FAM120B: variants seen among roughly 807,000 people sequenced by gnomAD.
FAM120B encodes the protein constitutive coactivator of peroxisome proliferator-activated receptor gamma.
In FAM120B, 83 loss-of-function variants were observed where a neutral mutation model predicts 96.3. The observed-to-expected ratio is 0.86, with a 90% confidence interval of 0.72 to 1.03. The LOEUF (loss-of-function observed/expected upper bound fraction) is 1.03, where lower values mean the gene tolerates loss of function less well. FAM120B is among the 50% of genes least tolerant of loss of function. The pLI, the probability that FAM120B is intolerant of heterozygous loss-of-function variation, is 0.00. For missense variants in FAM120B, 1,027 were observed against 1,121.2 expected (o/e 0.92, Z 1.20); for synonymous variants, 407 against 402.7 (o/e 1.01, Z -0.13).
At chr6:170,369,062 A>G (rs1317666427) in intron 6 of FAM120B, among the ~76,000 whole-genome samples, 1 of 152,166 alleles carries the variant, frequency 6.6e-6, no homozygotes, top group Non-Finnish European at 1.5e-5. Flanking sequence ...TAGAAATAGA[A>G]ATCTTGAATG....
intron 3 of FAM120B, among the ~76,000 whole-genome samples, chr6:170,324,636 G>A (rs958791461): frequency 1.3e-5 from 2 of 152,002 alleles, no homozygotes; most frequent in Admixed American, 1.3e-4. Flanking sequence ...TTCATACTTT[G>A]TTAATGTAAT....
rs1019962332 is a variant in FAM120B, at chr6:170,295,687, G to C, written c.48+234G>C. Among the ~76,000 whole-genome samples the C allele has an allele frequency of 6.6e-6, 1 of 152,112 alleles. No homozygotes were observed. Among genetic ancestry groups the C allele is most frequent in the Non-Finnish European group, 1.5e-5 (1 of 67,994 alleles). On this transcript the variant is annotated intron_variant, in intron 1 of 10. Transcript: ENST00000537664. This position sits in a 1 kb window ranked among gnomAD's most constrained non-coding sequence, Gnocchi z 7.8. ...GCGAGTGACTTCCCCGGTGCGGCCG[G>C]GTCCCGGCGCCACACGCCCTTTTCC...
intron 6 of FAM120B, among the ~76,000 whole-genome samples, chr6:170,371,386 T>C (rs1286967312): frequency 3.3e-5 from 5 of 152,210 alleles, no homozygotes; most frequent in Non-Finnish European, 5.9e-5. Context: ...TTTTTGGCCC[T>C]GTGAATAATG....
intron 6 of FAM120B, among the ~76,000 whole-genome samples, chr6:170,384,956 C>T (rs1242202702): frequency 2.8e-4 from 42 of 152,148 alleles, no homozygotes; most frequent in Non-Finnish European, 3.2e-4. Context: ...AGTATGGATT[C>T]GAATTGTTGA....
chr6:170,381,700 T>A (rs1789910892), intron 6 of FAM120B, among the ~76,000 whole-genome samples: 1 of 151,786 alleles, frequency 6.6e-6, no homozygotes, highest in African/African-American at 2.4e-5. Flanking sequence ...TACTTAAAAA[T>A]CAGTCAGTGA....
upstream of FAM120B, chr6:170,290,803 C>A (rs1408930571): frequency 5.1e-6 from 3 of 592,724 alleles, no homozygotes; most frequent in Non-Finnish European, 9.0e-6. The surrounding 1 kb of genome is among the most constrained non-coding windows in gnomAD (Gnocchi z 4.7). Flanking sequence ...CCAATGCCAT[C>A]CAGTACACAC....
chr6:170,317,526 A>T lies in FAM120B; in HGVS notation c.136A>T (p.Met46Leu), dbSNP rs759893776. Residue 46 changes from methionine to leucine, a missense_variant, in exon 2 of 11, where the codon ATG becomes TTG. Transcript: ENST00000476287. ...GCTPTIVVDA[M>L]CCLRYWYTPE... Reference sequence around the variant, plus strand: ...TACCCCTACCATTGTGGTTGATGCCATGTGTTGTCTCAGATATTGGTATAC... The same window carrying T: ...TACCCCTACCATTGTGGTTGATGCCTTGTGTTGTCTCAGATATTGGTATAC... 1 of 1,614,224 alleles carries T rather than the reference A, an allele frequency of 6.2e-7. No homozygotes were observed. Among genetic ancestry groups the T allele is most frequent in the African/African-American group, 1.3e-5 (1 of 75,058 alleles).
At chr6:170,394,070 A>C (rs867325041) in intron 8 of FAM120B, among the ~76,000 whole-genome samples, 1 of 152,266 alleles carries the variant, frequency 6.6e-6, no homozygotes, top group African/African-American at 2.4e-5. Flanking sequence ...ACACGGGCTG[A>C]CCCTGGCCAG....
intron 2 of FAM120B, 139 bp from the exon 3 acceptor site, chr6:170,322,940 A>G: frequency 1.5e-6 from 1 of 652,272 alleles, no homozygotes; most frequent in South Asian, 2.2e-5. Context: ...TGGCAACTTG[A>G]TGTCATGAAT....
At chr6:170,341,570 T>C (rs1362610218) in intron 4 of FAM120B, among the ~76,000 whole-genome samples, 1 of 152,110 alleles carries the variant, frequency 6.6e-6, no homozygotes, top group Non-Finnish European at 1.5e-5. Context: ...GCTAGCTCGG[T>C]GTCTGCCCAA....
At chr6:170,342,800 T>C (rs186915548) in intron 4 of FAM120B, among the ~76,000 whole-genome samples, 5 of 152,216 alleles carry the variant, frequency 3.3e-5, no homozygotes, top group Non-Finnish European at 7.3e-5. Flanking sequence ...ACCAGATTGC[T>C]TGTTTTGTCT....
At chr6:170,338,935 G>T (rs1786629520) in intron 4 of FAM120B, among the ~76,000 whole-genome samples, 1 of 150,766 alleles carries the variant, frequency 6.6e-6, no homozygotes, top group South Asian at 2.1e-4. Flanking sequence ...CATGAAATGG[G>T]TCTCCTGAAT....
intron 6 of FAM120B, among the ~76,000 whole-genome samples, chr6:170,359,288 A>G (rs1174718421): frequency 2.0e-5 from 3 of 152,032 alleles, no homozygotes; most frequent in Non-Finnish European, 4.4e-5. Flanking sequence ...AGCTACTTGC[A>G]AGGCTGAGGC....
intron 2 of FAM120B, among the ~76,000 whole-genome samples, chr6:170,319,982 G>A (rs917096219): frequency 6.6e-6 from 1 of 152,228 alleles, no homozygotes; most frequent in Admixed American, 6.5e-5. Context: ...GGGCCACTAC[G>A]TGTGAGGTTC....
intron 7 of FAM120B, 141 bp downstream of exon 7, chr6:170,388,634 G>A: frequency 1.4e-6 from 1 of 701,974 alleles, no homozygotes; most frequent in Non-Finnish European, 2.4e-6. Flanking sequence ...CACATGATTT[G>A]AAGCATTAGG....
At chr6:170,379,459 C>T (rs1448996501) in intron 6 of FAM120B, among the ~76,000 whole-genome samples, 1 of 152,164 alleles carries the variant, frequency 6.6e-6, no homozygotes, top group Admixed American at 6.5e-5. Flanking sequence ...TTTCAGATTT[C>T]TGAATATTTC....
At chr6:170,360,704 C>G (rs1788298644) in intron 6 of FAM120B, among the ~76,000 whole-genome samples, 1 of 152,164 alleles carries the variant, frequency 6.6e-6, no homozygotes. Flanking sequence ...AGAATTGTGA[C>G]TGGGCAGCTT....
chr6:170,318,641 A>G lies in FAM120B; in HGVS notation c.1251A>G (p.Thr417=). The change falls in exon 2 of 11, where the codon ACA becomes ACG. Residue 417 remains threonine, a synonymous_variant. Transcript: ENST00000476287. ...PEPRQEVPMC[T]GPEARQEVPM... is the part of the protein sequence containing the mutation. Reference sequence around the variant, plus strand: ...CCAGGCAAGAAGTTCCCATGTGTACAGGCCCTGAAGCCAGGCAAGAAGTTC... The same window carrying G: ...CCAGGCAAGAAGTTCCCATGTGTACGGGCCCTGAAGCCAGGCAAGAAGTTC... The G allele has an allele frequency of 1.9e-6, 3 of 1,595,470 alleles. No individual in the cohort carries two copies. The highest frequency in any genetic ancestry group is 2.6e-6 in the Non-Finnish European group (3 of 1,169,736).
chr6:170,312,747 A>G (rs910519400), intron 1 of FAM120B, among the ~76,000 whole-genome samples: 2 of 152,194 alleles, frequency 1.3e-5, no homozygotes, highest in African/African-American at 4.8e-5. Context: ...AACAGTAGGA[A>G]GATTTTACTC....
Sources: gnomAD v4.1 joint callset for allele counts (sites outside exome capture counted in the v4.1 genomes callset) on GRCh38, gnomAD v4.1.1 for gene constraint, Gnocchi (gnomAD v3.1) non-coding constraint, MANE v1.5 for transcripts, NCBI Gene and HGNC (gene_info 2026-07-23, HGNC 2026-07-21) for gene names.